Variants in EPHA3 observed in about 807,000 individuals in gnomAD.
EPHA3 encodes the protein EPH receptor A3.
EPHA3 carries 42 observed loss-of-function variants against 107.1 expected under a neutral mutation model. That is an observed-to-expected ratio of 0.39 (90% confidence interval 0.31 to 0.51). The LOEUF is 0.51. Ranked by LOEUF, EPHA3 falls within the 20% of genes least tolerant of loss-of-function variation. The probability of loss-of-function intolerance (pLI) is 0.78; values close to 1 mark genes in which losing one functional copy is unlikely to be tolerated. For synonymous variants in EPHA3, 461 were observed against 424.8 expected, an observed-to-expected ratio of 1.09 and a Z score of -1.05; for missense variants, 1,183 against 1,211.2, an observed-to-expected ratio of 0.98 and a Z score of 0.35.
Position 89,399,389 on chromosome 3 carries a change from T to C in EPHA3, c.1503T>C (p.Pro501=), listed in dbSNP as rs1273277136. 5.0e-6 allele frequency: 8 copies of C among 1,614,004 alleles called. No individual in the cohort carries two copies. The highest frequency in any genetic ancestry group is 4.0e-5 in the African/African-American group (3 of 74,916). Residue 501 remains proline (P), a synonymous_variant, in exon 7 of 17, where the codon CCT becomes CCC. Transcript: ENST00000336596. ...GTNVTISSLK[P]DTIYVFQIRA... is the part of the protein sequence containing the mutation. ...ATGTTACCATCAGTAGCCTCAAGCC[T>C]GACACTATATACGTATTCCAAATCC...
intron 13 of EPHA3, among the ~76,000 whole-genome samples, chr3:89,443,445 G>T (rs1251051347): frequency 1.3e-5 from 2 of 152,022 alleles, no homozygotes; most frequent in African/African-American, 4.8e-5. Context: ...GAAAAAAGAG[G>T]ACATTAGAAA....
At chr3:89,160,064 T>C (rs564615905) in intron 2 of EPHA3, among the ~76,000 whole-genome samples, 1 of 152,220 alleles carries the variant, frequency 6.6e-6, no homozygotes, top group East Asian at 1.9e-4. Context: ...CTAAGACCGT[T>C]ATCCTAAAGC....
At chr3:89,331,303 T>C (rs1440493352) in intron 3 of EPHA3, among the ~76,000 whole-genome samples, 1 of 152,174 alleles carries the variant, frequency 6.6e-6, no homozygotes, top group African/African-American at 2.4e-5. Context: ...TAATGTTTGA[T>C]GAATAAGAAA....
intron 15 of EPHA3, among the ~76,000 whole-genome samples, chr3:89,455,976 GCTT>G (rs1710090716): frequency 6.6e-6 from 1 of 152,148 alleles, no homozygotes; most frequent in Non-Finnish European, 1.5e-5. Context: ...CACACACCAT[GCTT>G]CTCTCGTATT....
chr3:89,262,172 C>T (rs1243265649), intron 3 of EPHA3, among the ~76,000 whole-genome samples: 3 of 152,044 alleles, frequency 2.0e-5, no homozygotes, highest in Non-Finnish European at 4.4e-5. Flanking sequence ...AGATCACTGT[C>T]ATCAGTATTG....
chr3:89,177,219 A>G (rs1408333854), intron 2 of EPHA3, among the ~76,000 whole-genome samples: 1 of 152,162 alleles, frequency 6.6e-6, no homozygotes, highest in Admixed American at 6.5e-5. Context: ...ACCTCTAAGC[A>G]TGGACAGAAT....
intron 15 of EPHA3, among the ~76,000 whole-genome samples, chr3:89,458,654 C>T (rs1207858571): frequency 6.6e-6 from 1 of 152,150 alleles, no homozygotes; most frequent in African/African-American, 2.4e-5. Context: ...AAAAGCATTC[C>T]TATTTCTCTG....
At chr3:89,109,239 A>G (rs1156897072) in intron 1 of EPHA3, among the ~76,000 whole-genome samples, 3 of 152,054 alleles carry the variant, frequency 2.0e-5, no homozygotes, top group Non-Finnish European at 4.4e-5. Context: ...CCCACAAATG[A>G]CTTTTTATTT....
chr3:89,431,122 T>G, intron 12 of EPHA3, 28 bp from the exon 13 acceptor site: 1 of 1,606,202 alleles, frequency 6.2e-7, no homozygotes, highest in Non-Finnish European at 8.5e-7. Context: ...GGAACGTATC[T>G]TAATTGTACA....
intron 2 of EPHA3, among the ~76,000 whole-genome samples, chr3:89,160,548 TTGTGTGTGTG>T (rs1164056787): frequency 8.3e-6 from 1 of 120,476 alleles, no homozygotes; most frequent in Non-Finnish European, 1.7e-5. Flanking sequence ...ATATTAGATT[TTGTGTGTGTG>T]TGTGTGTGTG....
chr3:89,282,331 T>C (rs1378404944), intron 3 of EPHA3, among the ~76,000 whole-genome samples: 1 of 152,164 alleles, frequency 6.6e-6, no homozygotes, highest in Admixed American at 6.5e-5. Flanking sequence ...TGCCAGACTT[T>C]GTTTTGAGTA....
intron 3 of EPHA3, among the ~76,000 whole-genome samples, chr3:89,250,928 T>C (rs1245871280): frequency 6.6e-6 from 1 of 152,190 alleles, no homozygotes; most frequent in Non-Finnish European, 1.5e-5. Context: ...ATTAGTCATG[T>C]GTGTCCAAGT....
At chr3:89,467,041 G>C (rs1248792362) in intron 15 of EPHA3, among the ~76,000 whole-genome samples, 1 of 152,032 alleles carries the variant, frequency 6.6e-6, no homozygotes, top group Non-Finnish European at 1.5e-5. Context: ...GTTGGGAACT[G>C]TATATATTCA....
intron 5 of EPHA3, among the ~76,000 whole-genome samples, chr3:89,368,778 C>T (rs946061781): frequency 6.7e-6 from 1 of 150,084 alleles, no homozygotes; most frequent in African/African-American, 2.4e-5. Context: ...TTAAAATGCC[C>T]GTATCTTCTA....
intron 3 of EPHA3, among the ~76,000 whole-genome samples, chr3:89,239,004 T>A (rs1704833265): frequency 6.6e-6 from 1 of 152,230 alleles, no homozygotes; most frequent in African/African-American, 2.4e-5. Context: ...ATACTCAGCA[T>A]GGTATAAATA....
At chr3:89,136,432 A>G (rs1030848172) in intron 2 of EPHA3, among the ~76,000 whole-genome samples, 1 of 147,582 alleles carries the variant, frequency 6.8e-6, no homozygotes, top group African/African-American at 2.5e-5. Context: ...CAGATAAGAT[A>G]GAATTTATTC....
intron 2 of EPHA3, among the ~76,000 whole-genome samples, chr3:89,175,886 C>T (rs537124652): frequency 6.6e-6 from 1 of 152,210 alleles, no homozygotes; most frequent in African/African-American, 2.4e-5. Flanking sequence ...TGAATTCCTC[C>T]TTCTGATTAG....
intron 5 of EPHA3, among the ~76,000 whole-genome samples, chr3:89,345,071 T>C (rs1379732209): frequency 6.6e-6 from 1 of 151,292 alleles, no homozygotes; most frequent in Non-Finnish European, 1.5e-5. Flanking sequence ...TTCATCTTTT[T>C]TTTTCTTCTG....
intron 5 of EPHA3, among the ~76,000 whole-genome samples, chr3:89,394,320 G>A (rs1708805878): frequency 6.6e-6 from 1 of 152,124 alleles, no homozygotes. Flanking sequence ...TTTAGCCTGG[G>A]AGGTGGAGGC....
Sources: gnomAD v4.1 joint callset for allele counts (sites outside exome capture counted in the v4.1 genomes callset) on GRCh38, gnomAD v4.1.1 for gene constraint, MANE v1.5 for transcripts, NCBI Gene and HGNC (gene_info 2026-07-23, HGNC 2026-07-21) for gene names.